TESK2: variants seen among roughly 807,000 people sequenced by gnomAD.
TESK2 encodes dual specificity testis-specific protein kinase 2.
TESK2 carries 39 observed loss-of-function variants against 57.1 expected under a neutral mutation model. That is an observed-to-expected ratio of 0.68 (90% confidence interval 0.53 to 0.89). The LOEUF (loss-of-function observed/expected upper bound fraction) is 0.89, where lower values mean the gene tolerates loss of function less well. Among genes scored for constraint, TESK2 ranks in the 40% least tolerant of loss-of-function variants. The pLI is 0.00. For synonymous variants in TESK2, 249 were observed against 267.9 expected (o/e 0.93, Z 0.69); for missense variants, 646 against 732.1 (o/e 0.88, Z 1.36).
chr1:45,438,969 T>C (rs1476736995), intron 2 of TESK2, among the ~76,000 whole-genome samples: 1 of 152,110 alleles, frequency 6.6e-6, no homozygotes, highest in African/African-American at 2.4e-5. Flanking sequence ...AGTTACTGTT[T>C]GGAAAGTTAA....
chr1:45,409,268 C>A (rs770431177), intron 3 of TESK2, among the ~76,000 whole-genome samples: 1 of 152,032 alleles, frequency 6.6e-6, no homozygotes, highest in Non-Finnish European at 1.5e-5. Context: ...CTATTTTAGA[C>A]TAGTCAAAAA....
intron 1 of TESK2, among the ~76,000 whole-genome samples, chr1:45,480,883 G>C (rs913991555): frequency 5.9e-5 from 9 of 151,590 alleles, no homozygotes; most frequent in Non-Finnish European, 4.4e-5. Context: ...AGCTACTCAG[G>C]AGGCTGAGGC....
chr1:45,453,341 CAAAAAAA>C (rs560016914), intron 2 of TESK2, among the ~76,000 whole-genome samples: 1 of 53,136 alleles, frequency 1.9e-5, no homozygotes, highest in African/African-American at 5.6e-5. Flanking sequence ...GACCCTGTCT[CAAAAAAA>C]AAAAAAAAAA....
intron 1 of TESK2, among the ~76,000 whole-genome samples, chr1:45,471,346 C>T (rs1652754025): frequency 6.6e-6 from 1 of 152,150 alleles, no homozygotes; most frequent in East Asian, 1.9e-4. Context: ...CATGACTCCA[C>T]CTTTCCAAGA....
intron 1 of TESK2, among the ~76,000 whole-genome samples, chr1:45,482,369 A>C (rs1355485810): frequency 2.6e-5 from 4 of 151,926 alleles, no homozygotes; most frequent in Non-Finnish European, 5.9e-5. Context: ...CTCTACAAAA[A>C]AATAAAAACT....
intron 2 of TESK2, among the ~76,000 whole-genome samples, chr1:45,430,699 C>T (rs1322281498): frequency 2.0e-5 from 3 of 152,142 alleles, no homozygotes; most frequent in African/African-American, 7.2e-5. Flanking sequence ...TGGTGGCTGA[C>T]AAGTCACTGG....
intron 1 of TESK2, among the ~76,000 whole-genome samples, chr1:45,484,171 C>T (rs1392236693): frequency 2.8e-5 from 4 of 142,822 alleles, no homozygotes; most frequent in African/African-American, 1.0e-4. Context: ...TACAGCGGCG[C>T]GATCTCGGCT....
intron 2 of TESK2, among the ~76,000 whole-genome samples, chr1:45,438,744 T>C (rs1651323881): frequency 6.6e-6 from 1 of 152,172 alleles, no homozygotes; most frequent in South Asian, 2.1e-4. Flanking sequence ...CCATGTGTTC[T>C]CACCATTTAG....
intron 2 of TESK2, among the ~76,000 whole-genome samples, chr1:45,450,684 C>T (rs1011414742): frequency 6.6e-6 from 1 of 152,012 alleles, no homozygotes; most frequent in Non-Finnish European, 1.5e-5. Flanking sequence ...TTTTCAAAAC[C>T]TCTTAGGCTA....
intron 4 of TESK2, among the ~76,000 whole-genome samples, chr1:45,370,957 T>C (rs558908112): frequency 6.6e-6 from 1 of 151,738 alleles, no homozygotes; most frequent in African/African-American, 2.4e-5. Context: ...ACCAATGTAA[T>C]GGAATAGAGA....
chr1:45,438,287 G>C (rs918131585), intron 2 of TESK2, among the ~76,000 whole-genome samples: 3 of 152,192 alleles, frequency 2.0e-5, no homozygotes, highest in African/African-American at 7.2e-5. Context: ...CCTGAGGTCA[G>C]GAGTTCGAGA....
Position 45,432,220 on chromosome 1 carries a change from G to A in TESK2, c.223-10374C>T, listed in dbSNP as rs753998741. Among the ~76,000 whole-genome samples, 97 of 151,850 alleles carry A rather than the reference G, an allele frequency of 6.4e-4. 2 individuals are homozygous for A. Among genetic ancestry groups the A allele is most frequent in the Admixed American group, 1.2e-3 (19 of 15,240 alleles). ...TCTCTACAGAAATAAAAATAGTCAG[G>A]CATAGTGGTCCCAGCTACTTAGGAA... On this transcript the variant is annotated intron_variant, in intron 2 of 10. Coordinates refer to ENST00000372086, the MANE Select transcript of TESK2 (RefSeq NM_007170.3).
intron 3 of TESK2, among the ~76,000 whole-genome samples, chr1:45,402,394 T>TAA (rs538809925): frequency 2.6e-5 from 3 of 115,576 alleles, no homozygotes; most frequent in Admixed American, 9.2e-5. Flanking sequence ...ATCTTGTCTT[T>TAA]AAAAAAAAAA....
chr1:45,445,905 T>A (rs984129655), intron 2 of TESK2, among the ~76,000 whole-genome samples: 3 of 152,058 alleles, frequency 2.0e-5, no homozygotes, highest in African/African-American at 7.2e-5. Context: ...ACAAAAAAAA[T>A]TTTAAAGGTC....
In TESK2 at chr1:45,347,956, T is replaced by C. The variant is rs777621225; in HGVS notation, c.585A>G (p.Val195=). ...KRDENGYSAV[V]ADFGLAEKIP... ...TCTTCTCAGCCAGGCCAAAGTCAGC[T>C]ACCACTGCAGAGTAACCATTCTCAT... The change falls in exon 6 of 11, where the codon GTA becomes GTG. Residue 195 remains valine (V), a synonymous_variant. Coordinates refer to ENST00000372086, the MANE Select transcript of TESK2 (RefSeq NM_007170.3). 3 of 1,613,980 alleles carry C rather than the reference T, an allele frequency of 1.9e-6. No homozygotes were observed. Among genetic ancestry groups the C allele is most frequent in the African/African-American group, 1.3e-5 (1 of 75,038 alleles).
intron 3 of TESK2, among the ~76,000 whole-genome samples, chr1:45,386,333 G>A (rs908435040): frequency 1.3e-4 from 15 of 116,054 alleles, no homozygotes; most frequent in Non-Finnish European, 1.5e-4. Flanking sequence ...GGACAAGAGC[G>A]AGACTTTGAC....
rs552347168 is a variant in TESK2, at chr1:45,356,197, T to C, written c.394-748A>G. ...AGGCAAGATTCAAAATGTATTTAGA[T>C]GGCAGAATTAAAAAAAAAAAACTTG... On this transcript the variant is annotated intron_variant, in intron 4 of 10. Transcript: ENST00000372086. Among the ~76,000 whole-genome samples the C allele has an allele frequency of 3.0e-4, 45 of 149,234 alleles. 1 individual carries two copies. Among genetic ancestry groups the C allele is most frequent in the Middle Eastern group, 6.8e-3 (2 of 292 alleles).
intron 2 of TESK2, among the ~76,000 whole-genome samples, chr1:45,435,600 G>A (rs1045630353): frequency 3.3e-5 from 4 of 120,482 alleles, no homozygotes; most frequent in Non-Finnish European, 3.4e-5. Flanking sequence ...TAGAGACAAG[G>A]TCTCACTATG....
At chr1:45,400,088 T>C (rs1034398836) in intron 3 of TESK2, among the ~76,000 whole-genome samples, 2 of 152,170 alleles carry the variant, frequency 1.3e-5, no homozygotes, top group African/African-American at 4.8e-5. Context: ...GTAGATGCAA[T>C]TAAAGTTGCT....
Sources: gnomAD v4.1 joint callset for allele counts (sites outside exome capture counted in the v4.1 genomes callset) on GRCh38, gnomAD v4.1.1 for gene constraint, MANE v1.5 for transcripts, NCBI Gene and HGNC (gene_info 2026-07-23, HGNC 2026-07-21) for gene names.